PTPRM: variants seen among roughly 807,000 people sequenced by gnomAD.
PTPRM encodes the protein protein tyrosine phosphatase receptor type M.
A neutral mutation model predicts 186.7 loss-of-function variants in PTPRM; 47 were observed. The observed-to-expected ratio is 0.25, with a 90% confidence interval of 0.20 to 0.32. PTPRM has a LOEUF of 0.32. Among genes scored for constraint, PTPRM ranks in the 10% least tolerant of loss-of-function variants. PTPRM has a pLI of 1.00. For missense variants in PTPRM, 1,494 were observed against 1,865.0 expected, an observed-to-expected ratio of 0.80 and a Z score of 3.66; for synonymous variants, 668 against 674.9, an observed-to-expected ratio of 0.99 and a Z score of 0.16.
intron 14 of PTPRM, among the ~76,000 whole-genome samples, chr18:8,190,696 T>C (rs1451459788): frequency 6.6e-6 from 1 of 152,208 alleles, no homozygotes; most frequent in Non-Finnish European, 1.5e-5. Context: ...AATAGATAAG[T>C]TAGATTTCAA....
intron 1 of PTPRM, among the ~76,000 whole-genome samples, chr18:7,684,692 G>C (rs1232355710): frequency 2.6e-5 from 4 of 152,100 alleles, no homozygotes; most frequent in Non-Finnish European, 5.9e-5. Context: ...CTCTTTAAAG[G>C]TGAATAATAA....
chr18:8,289,545 T>TACAC (rs1568674778), intron 19 of PTPRM, among the ~76,000 whole-genome samples: 4 of 112,526 alleles, frequency 3.6e-5, no homozygotes, highest in African/African-American at 1.7e-4. Context: ...CACATATATA[T>TACAC]ATATACATAT....
At chr18:7,964,758 A>G (rs2053909220) in intron 7 of PTPRM, among the ~76,000 whole-genome samples, 1 of 152,210 alleles carries the variant, frequency 6.6e-6, no homozygotes, top group African/African-American at 2.4e-5. Context: ...ATGTATCTTC[A>G]AGGTAGTGCC....
At chr18:8,361,222 C>T (rs2095595332) in intron 23 of PTPRM, 1 of 152,192 alleles carries the variant, frequency 6.6e-6, no homozygotes, top group Admixed American at 6.5e-5. Flanking sequence ...CAGGTACGCA[C>T]TTCAGACTGT....
intron 1 of PTPRM, among the ~76,000 whole-genome samples, chr18:7,608,266 G>A (rs2037585761): frequency 6.6e-6 from 1 of 152,154 alleles, no homozygotes; most frequent in South Asian, 2.1e-4. Context: ...TCTGATTCAG[G>A]TTTTATTTGG....
At chr18:7,922,021 T>G (rs991418089) in intron 4 of PTPRM, among the ~76,000 whole-genome samples, 2 of 152,174 alleles carry the variant, frequency 1.3e-5, no homozygotes, top group African/African-American at 4.8e-5. Flanking sequence ...TTATTGGACA[T>G]TTTTGCTTAG....
Position 8,244,153 on chromosome 18 carries a change from G to A in PTPRM, c.2396G>A (p.Gly799Asp). 6.2e-7 allele frequency: 1 copy of A among 1,601,512 alleles called. No homozygotes were observed. Among genetic ancestry groups the A allele is most frequent in the Non-Finnish European group, 8.5e-7 (1 of 1,175,746 alleles). Residue 799 changes from glycine to aspartate, a missense_variant, in exon 15 of 33, where the codon GGC (glycine) becomes GAC (aspartate). Around this residue, in one of 3 missense-constraint regions of PTPRM, gnomAD observed 1,107 missense variants for 1,350.2 expected, o/e 0.82. Coordinates refer to ENST00000580170, the MANE Select transcript of PTPRM (RefSeq NM_001105244.2). Reference sequence around the variant, plus strand: ...ATGGACAAGAGCTATGCTGAGCAGGGCACAAACTGCGACGAGGCTTTCTCA... The same window carrying A: ...ATGGACAAGAGCTATGCTGAGCAGGACACAAACTGCGACGAGGCTTTCTCA... ...NSMDKSYAEQ[G>D]TNCDEAFSFM... is the part of the protein sequence containing the mutation.
chr18:7,852,628 T>C (rs1488361266), intron 2 of PTPRM, among the ~76,000 whole-genome samples: 1 of 151,846 alleles, frequency 6.6e-6, no homozygotes, highest in African/African-American at 2.4e-5. Context: ...GAGCTTGCAG[T>C]GAGCCAAGAT....
chr18:8,393,641 T>C (rs1458708426), intron 31 of PTPRM, among the ~76,000 whole-genome samples: 1 of 152,172 alleles, frequency 6.6e-6, no homozygotes, highest in Non-Finnish European at 1.5e-5. Flanking sequence ...GCAAGTAAGG[T>C]GTTCATATCA....
intron 9 of PTPRM, among the ~76,000 whole-genome samples, chr18:8,078,154 C>T (rs957105019): frequency 1.3e-5 from 2 of 152,180 alleles, no homozygotes; most frequent in Non-Finnish European, 2.9e-5. Flanking sequence ...GTCTTTCTCC[C>T]TTTCCCATGT....
intron 20 of PTPRM, among the ~76,000 whole-genome samples, chr18:8,296,940 C>T (rs1230436268): frequency 6.6e-6 from 1 of 152,158 alleles, no homozygotes; most frequent in Non-Finnish European, 1.5e-5. Context: ...CTCCCCATAT[C>T]ACAACACTCA....
At position 8,199,006 on chromosome 18, in the gene PTPRM, C is replaced by T. The variant is rs114720286; in HGVS notation, c.2301-45052C>T. ...AGGCTGGCCAGACCCTCCTCAGATGCGCAGAGGACAGCTTCAGGATAAGGA... is the reference window on the plus strand; with the variant it reads ...AGGCTGGCCAGACCCTCCTCAGATGTGCAGAGGACAGCTTCAGGATAAGGA... On this transcript the variant is annotated intron_variant, in intron 14 of 32. Transcript: ENST00000580170. Among the ~76,000 whole-genome samples the T allele has an allele frequency of 3.4e-3, 522 of 152,038 alleles. 2 individuals are homozygous for T. Among genetic ancestry groups the T allele is most frequent in the African/African-American group, 0.012 (494 of 41,474 alleles).
At chr18:7,614,509 A>T (rs1298351959) in intron 1 of PTPRM, among the ~76,000 whole-genome samples, 13 of 152,240 alleles carry the variant, frequency 8.5e-5, no homozygotes, top group Admixed American at 6.5e-4. Flanking sequence ...ATGATAAGGG[A>T]TCATAAAAAG....
intron 14 of PTPRM, among the ~76,000 whole-genome samples, chr18:8,238,653 T>TG (rs1568578028): frequency 3.0e-4 from 8 of 26,320 alleles, no homozygotes; most frequent in African/African-American, 1.3e-3. Flanking sequence ...TTTTGTGTGT[T>TG]TTTTTTTTTT....
intron 1 of PTPRM, among the ~76,000 whole-genome samples, chr18:7,599,221 G>C (rs1053291716): frequency 6.6e-6 from 1 of 152,130 alleles, no homozygotes; most frequent in Non-Finnish European, 1.5e-5. Context: ...TGAACTCATT[G>C]TGTTTTATGT....
chr18:7,848,426 G>A (rs113409892), intron 2 of PTPRM, among the ~76,000 whole-genome samples: 13 of 152,286 alleles, frequency 8.5e-5, no homozygotes, highest in African/African-American at 2.9e-4. Context: ...GTGCTTTGCT[G>A]TCATTTAGTG....
At chr18:8,386,741 A>C (rs977175659) in intron 30 of PTPRM, among the ~76,000 whole-genome samples, 2 of 152,158 alleles carry the variant, frequency 1.3e-5, no homozygotes, top group African/African-American at 4.8e-5. Context: ...CCTGTAATTT[A>C]CCTGTAATTG....
At chr18:7,873,892 C>G (rs922018149) in intron 2 of PTPRM, among the ~76,000 whole-genome samples, 28 of 152,056 alleles carry the variant, frequency 1.8e-4, no homozygotes, top group Non-Finnish European at 3.5e-4. Context: ...TACCTTTTGG[C>G]TAGAAATCTG....
At chr18:8,274,903 T>C (rs1349994290) in intron 19 of PTPRM, among the ~76,000 whole-genome samples, 1 of 152,204 alleles carries the variant, frequency 6.6e-6, no homozygotes, top group Non-Finnish European at 1.5e-5. Context: ...CAGCATTGCA[T>C]GTTGAAGGAT....
Sources: gnomAD v4.1 joint callset for allele counts (sites outside exome capture counted in the v4.1 genomes callset) on GRCh38, gnomAD v4.1.1 for gene constraint, gnomAD v4.1.1 regional missense constraint, MANE v1.5 for transcripts, NCBI Gene and HGNC (gene_info 2026-07-23, HGNC 2026-07-21) for gene names.